ITGBL1: variants seen among roughly 807,000 people sequenced by gnomAD.
ITGBL1 encodes integrin subunit beta like 1.
ITGBL1 carries 51 observed loss-of-function variants against 68.5 expected under a neutral mutation model. The observed-to-expected ratio is 0.74, with a 90% CI of 0.59 to 0.94. The LOEUF (loss-of-function observed/expected upper bound fraction) is 0.94, where lower values mean the gene tolerates loss of function less well. ITGBL1 is among the 40% of genes least tolerant of loss of function. ITGBL1 has a pLI of 0.00. For missense variants in ITGBL1, 649 were observed against 647.4 expected (o/e 1.00, Z -0.03); for synonymous variants, 209 against 227.3 (o/e 0.92, Z 0.72).
At chr13:101,628,990 T>A (rs572918093) in intron 7 of ITGBL1, among the ~76,000 whole-genome samples, 1 of 152,292 alleles carries the variant, frequency 6.6e-6, no homozygotes, top group East Asian at 1.9e-4. Context: ...TAATGAGTGA[T>A]ATTGACCAAA....
chr13:101,651,034 C>T (rs567825103), intron 7 of ITGBL1, among the ~76,000 whole-genome samples: 1 of 152,098 alleles, frequency 6.6e-6, no homozygotes, highest in East Asian at 1.9e-4. Flanking sequence ...ACCACATTTT[C>T]TTTAGTCTAT....
At chr13:101,497,501 C>T (rs976495302) in intron 2 of ITGBL1, among the ~76,000 whole-genome samples, 3 of 152,174 alleles carry the variant, frequency 2.0e-5, no homozygotes, top group African/African-American at 4.8e-5. Context: ...TTTCCTGTTT[C>T]GTTGGACCAG....
At chr13:101,550,323 C>T (rs1461367493) in intron 2 of ITGBL1, among the ~76,000 whole-genome samples, 1 of 152,148 alleles carries the variant, frequency 6.6e-6, no homozygotes, top group Non-Finnish European at 1.5e-5. Flanking sequence ...CTGTCTCCTT[C>T]TGGGGCAAAG....
At chr13:101,614,910 C>T (rs906815833) in intron 7 of ITGBL1, among the ~76,000 whole-genome samples, 2 of 152,060 alleles carry the variant, frequency 1.3e-5, no homozygotes, top group African/African-American at 4.8e-5. Context: ...GCAGGTGACC[C>T]CTTGTGATCC....
chr13:101,479,176 T>G (rs2048580179), intron 2 of ITGBL1, among the ~76,000 whole-genome samples: 1 of 151,964 alleles, frequency 6.6e-6, no homozygotes, highest in Non-Finnish European at 1.5e-5. Flanking sequence ...TGACCTCATT[T>G]TTTATAAAGG....
chr13:101,489,457 C>T (rs1366210898), intron 2 of ITGBL1, among the ~76,000 whole-genome samples: 1 of 152,128 alleles, frequency 6.6e-6, no homozygotes, highest in East Asian at 1.9e-4. Flanking sequence ...TTATGGAACC[C>T]TTCCTCGTCT....
chr13:101,527,525 A>C (rs1169354793), intron 2 of ITGBL1, among the ~76,000 whole-genome samples: 2 of 152,090 alleles, frequency 1.3e-5, no homozygotes, highest in African/African-American at 4.8e-5. Context: ...ACTATGATGT[A>C]TATTCATTCC....
rs192287294 is a variant in ITGBL1 at position 101,545,711 on chromosome 13, T to A, written c.317-21988T>A. On this transcript the variant is annotated intron_variant, in intron 2 of 10. Coordinates refer to ENST00000376180, the MANE Select transcript of ITGBL1 (RefSeq NM_004791.3). The stretch of plus-strand genomic sequence containing the variant: ...TAAATATAAACAATAAAAAAAGTCA[T>A]CTTCTTCAGGGAATTTATAGTAACA... Among the ~76,000 whole-genome samples, 238 of 152,272 alleles carry A rather than the reference T, an allele frequency of 1.6e-3. 1 individual carries two copies. The highest frequency in any genetic ancestry group is 5.5e-3 in the African/African-American group (229 of 41,556).
At position 101,604,845 on chromosome 13, in the gene ITGBL1, AATATATATATATATATATATATATAT is replaced by A. The variant is rs1555361671; in HGVS notation, c.1015+6564_1015+6589del. Reference sequence around the variant, plus strand: ...AGTTTGTCAGGGACCAGGTGAAGGCAATATATATATATATATATATATATATATATATATATATATATACACACACA... The same window carrying A: ...AGTTTGTCAGGGACCAGGTGAAGGCAATATATATATATATATACACACACA... On this transcript the variant is annotated intron_variant, in intron 7 of 10. Coordinates refer to ENST00000376180, the MANE Select transcript of ITGBL1 (RefSeq NM_004791.3). Among the ~76,000 whole-genome samples the A allele has an allele frequency of 3.9e-3, 116 of 29,372 alleles. 9 individuals are homozygous for A. Among genetic ancestry groups the A allele is most frequent in the African/African-American group, 0.012 (108 of 9,106 alleles). The allele number at this position is 29,372 out of a possible 152,430, so 19.3% of individuals were successfully genotyped here. A position where few individuals can be genotyped will look rare whatever the true frequency, so the allele number is the denominator to read the frequency against.
intron 2 of ITGBL1, among the ~76,000 whole-genome samples, chr13:101,559,041 A>T (rs1039983840): frequency 6.6e-6 from 1 of 152,196 alleles, no homozygotes; most frequent in African/African-American, 2.4e-5. Flanking sequence ...TTCATCCTTT[A>T]GTCACAGGTT....
chr13:101,482,785 A>G (rs1314085385), intron 2 of ITGBL1, among the ~76,000 whole-genome samples: 4 of 152,132 alleles, frequency 2.6e-5, no homozygotes, highest in African/African-American at 9.7e-5. Context: ...AGGGTGTGTA[A>G]GGAAAAAAAT....
intron 2 of ITGBL1, among the ~76,000 whole-genome samples, chr13:101,530,457 C>A (rs899754178): frequency 2.6e-5 from 4 of 152,100 alleles, no homozygotes; most frequent in Non-Finnish European, 5.9e-5. Context: ...TTTCCCCACC[C>A]AGGGTTTTGC....
Position 101,633,894 on chromosome 13 carries a change from CAT to C in ITGBL1, c.1015+35597_1015+35598del, listed in dbSNP as rs1209125564. 4.6e-5 allele frequency among the ~76,000 whole-genome samples: 7 copies of C among 151,986 alleles called. No individual in the cohort carries two copies. The South Asian group carries it at 1.5e-3, about 32-fold the overall frequency. On this transcript the variant is annotated intron_variant, in intron 7 of 10. Transcript: ENST00000376180. ...AATGGTTACATAATTTTTCTCAAAT[CAT>C]AGGGGAGAAAATAAGGTTTACAGAG...
At chr13:101,486,711 C>T (rs568437986) in intron 2 of ITGBL1, among the ~76,000 whole-genome samples, 1 of 152,212 alleles carries the variant, frequency 6.6e-6, no homozygotes, top group East Asian at 1.9e-4. Flanking sequence ...ATTTAAATGT[C>T]ATGTTTAGTA....
intron 2 of ITGBL1, among the ~76,000 whole-genome samples, chr13:101,545,533 A>C (rs1211980531): frequency 6.6e-6 from 1 of 152,238 alleles, no homozygotes; most frequent in Non-Finnish European, 1.5e-5. Context: ...ACTTGTTGAA[A>C]ATATGTACAC....
At chr13:101,484,347 T>C in intron 2 of ITGBL1, among the ~76,000 whole-genome samples, 1 of 152,172 alleles carries the variant, frequency 6.6e-6, no homozygotes, top group East Asian at 1.9e-4. Context: ...AATTTAGTTT[T>C]ATTTATCCTA....
At position 101,453,942 on chromosome 13, in the gene ITGBL1, C is replaced by T. The variant is rs773175369; in HGVS notation, c.158C>T (p.Ala53Val). 6.2e-6 allele frequency: 9 copies of T among 1,455,010 alleles called. No individual in the cohort carries two copies. The South Asian group carries it at 9.9e-5, about 16-fold the overall frequency. 90.1% of individuals were successfully genotyped at this position (1,455,010 alleles called of 1,614,324 possible). Residue 53 changes from alanine (A) to valine (V), a missense_variant, in exon 2 of 11, where the codon GCA (alanine) becomes GTA (valine). Physicochemically the swap from Ala to Val is moderately conservative, Grantham distance 64 (BLOSUM62 0). Transcript: ENST00000376180. Reference protein sequence around the residue: ...SRAESERRCRAPGQPPGAALC... With the variant: ...SRAESERRCRVPGQPPGAALC... The stretch of plus-strand genomic sequence containing the variant: ...GCCGAGTCGGAGCGACGCTGCCGCG[C>T]ACCTGGGCAGCCCCCGGGGGCCGCG...
At chr13:101,454,707 G>A (rs2048217839) in intron 2 of ITGBL1, among the ~76,000 whole-genome samples, 1 of 152,166 alleles carries the variant, frequency 6.6e-6, no homozygotes, top group Admixed American at 6.5e-5. Flanking sequence ...ATTCTAGGGA[G>A]GCAGGTTTTG....
chr13:101,467,937 G>T (rs991621972), intron 2 of ITGBL1, among the ~76,000 whole-genome samples: 2 of 152,014 alleles, frequency 1.3e-5, no homozygotes, highest in Admixed American at 6.6e-5. Context: ...TTCTCTTACG[G>T]CAAGGTATTA....
Sources: allele counts gnomAD v4.1 joint callset (sites outside exome capture counted in the v4.1 genomes callset), GRCh38; gene constraint gnomAD v4.1.1; transcripts MANE v1.5; gene names NCBI Gene and HGNC (gene_info 2026-07-23, HGNC 2026-07-21).